Variants in CCDC122 observed in about 807,000 individuals in gnomAD.
The protein encoded by CCDC122 is coiled-coil domain containing 122.
CCDC122 carries 38 observed loss-of-function variants against 37.0 expected under a neutral mutation model. The ratio of observed to expected loss-of-function variants is 1.03; its 90% CI spans 0.79 to 1.35. The LOEUF (loss-of-function observed/expected upper bound fraction) is 1.35. Among genes scored for constraint, CCDC122 ranks in the 40% most tolerant of loss-of-function variants. CCDC122 has a pLI of 0.00. For missense variants in CCDC122, 305 were observed against 310.0 expected, an observed-to-expected ratio of 0.98 and a Z score of 0.12; for synonymous variants, 83 against 95.6, an observed-to-expected ratio of 0.87 and a Z score of 0.77.
intron 4 of CCDC122, among the ~76,000 whole-genome samples, chr13:43,862,493 T>C (rs1954138964): frequency 6.6e-6 from 1 of 152,200 alleles, no homozygotes; most frequent in Non-Finnish European, 1.5e-5. Context: ...CATTACCCCA[T>C]TGTATTTCCT....
chr13:43,843,844 TTGTC>T (rs2153870854), intron 6 of CCDC122, among the ~76,000 whole-genome samples: 1 of 151,956 alleles, frequency 6.6e-6, no homozygotes, highest in Admixed American at 6.5e-5. Flanking sequence ...TTCAAGGAAT[TTGTC>T]TGTTTGTCAA....
At chr13:43,843,080 T>A (rs1453960559) in intron 6 of CCDC122, among the ~76,000 whole-genome samples, 1 of 152,106 alleles carries the variant, frequency 6.6e-6, no homozygotes, top group Non-Finnish European at 1.5e-5. Flanking sequence ...ATATCAGACA[T>A]CTCTGCCTTG....
At chr13:43,856,528 G>A (rs9567286) in intron 6 of CCDC122, 3,746 of 158,312 alleles carry the variant, frequency 0.024, 120 homozygotes, top group East Asian at 0.14. Flanking sequence ...TACTCCGGAG[G>A]CTGAGGCAGG....
rs145059395 is a variant in CCDC122 at position 43,871,622 on chromosome 13, C to T, written c.-113-2133G>A. On this transcript the variant is annotated intron_variant, in intron 2 of 6. Transcript: ENST00000444614. ...TCCCCAACCCTTTTCTATCCTTTCACTTTGACTTCTCAAATTCATGGGCCA... is the reference window on the plus strand; with the variant it reads ...TCCCCAACCCTTTTCTATCCTTTCATTTTGACTTCTCAAATTCATGGGCCA... Among the ~76,000 whole-genome samples the T allele has an allele frequency of 2.8e-3, 423 of 152,208 alleles. 2 individuals are homozygous for T. The highest frequency in any genetic ancestry group is 6.8e-3 in the Middle Eastern group (2 of 294).
At chr13:43,876,694 T>C (rs960309658) in intron 1 of CCDC122, among the ~76,000 whole-genome samples, 7 of 152,270 alleles carry the variant, frequency 4.6e-5, no homozygotes, top group Admixed American at 3.9e-4. Flanking sequence ...CAGTTGTGCT[T>C]GATATTGTGC....
At chr13:43,834,822 G>A (rs1594812202), downstream of CCDC122, among the ~76,000 whole-genome samples, 1 of 152,050 alleles carries the variant, frequency 6.6e-6, no homozygotes, top group African/African-American at 2.4e-5. Context: ...AGGTGCTGGA[G>A]AGGATGTGGA....
rs145800675 is a variant in CCDC122, at chr13:43,841,860, G to A, written c.673-4431C>T. On this transcript the variant is annotated intron_variant, in intron 6 of 6. Coordinates refer to ENST00000444614, the MANE Select transcript of CCDC122 (RefSeq NM_144974.5). Reference sequence around the variant, plus strand: ...TGAGTAGCTGGGACCACAGGTGTGCGCCATCACACTGACTAATTTTTTTAT... The same window carrying A: ...TGAGTAGCTGGGACCACAGGTGTGCACCATCACACTGACTAATTTTTTTAT... Among the ~76,000 whole-genome samples the A allele has an allele frequency of 5.6e-3, 854 of 152,126 alleles. 3 individuals are homozygous for A. Among genetic ancestry groups the A allele is most frequent in the Non-Finnish European group, 8.6e-3 (582 of 67,984 alleles).
chr13:43,848,032 C>A (rs909405274), intron 6 of CCDC122, among the ~76,000 whole-genome samples: 2 of 152,142 alleles, frequency 1.3e-5, no homozygotes, highest in Non-Finnish European at 2.9e-5. Context: ...ACCTTGGCCT[C>A]CCAAAGTGCT....
intron 4 of CCDC122, among the ~76,000 whole-genome samples, chr13:43,860,447 A>G (rs1052639650): frequency 2.0e-5 from 3 of 152,210 alleles, no homozygotes; most frequent in Non-Finnish European, 2.9e-5. Flanking sequence ...CAAAAGATCT[A>G]GGTCCAGCAC....
chr13:43,820,036 A>T (rs1036954497), downstream of CCDC122, among the ~76,000 whole-genome samples: 1 of 152,010 alleles, frequency 6.6e-6, no homozygotes, highest in African/African-American at 2.4e-5. Context: ...GTGATTTAGG[A>T]TCTAAAATTT....
chr13:43,868,718 GT>G lies in CCDC122; in HGVS notation c.131del (p.Asn44ThrfsTer8). On this transcript the variant is annotated frameshift_variant, in exon 4 of 7. Transcript: ENST00000444614. LOFTEE classifies it high-confidence loss of function. ...CCTTCAAATTGAACAGAACCTTTTTGTTTTTTTCTATCTCTGATGCTTGTGA... is the reference window on the plus strand; with the variant it reads ...CCTTCAAATTGAACAGAACCTTTTTGTTTTTTCTATCTCTGATGCTTGTGA... ...QQSQASEIEK[N>X]KKVLFNLKNE... The G allele has an allele frequency of 1.3e-6, 2 of 1,552,972 alleles. No individual in the cohort carries two copies. The highest frequency in any genetic ancestry group is 1.9e-5 in the Admixed American group (1 of 52,832).
chr13:43,869,391 A>G lies in CCDC122; in HGVS notation c.-15T>C, dbSNP rs778067049. On this transcript the variant is annotated 5_prime_UTR_variant, in exon 3 of 7. Coordinates refer to ENST00000444614, the MANE Select transcript of CCDC122 (RefSeq NM_144974.5). ...TTGTCTGACATTTTCTGTGTCTGTA[A>G]TCTCTTTTCCCCTTTTTGATTTACC... The G allele has an allele frequency of 1.2e-6, 2 of 1,602,324 alleles. No individual in the cohort carries two copies. Among genetic ancestry groups the G allele is most frequent in the Non-Finnish European group, 1.7e-6 (2 of 1,172,450 alleles).
Position 43,837,090 on chromosome 13 carries a change from A to T in CCDC122, c.*190T>A. ...TCCTATTGTCTGTCTACTGCTATCA[A>T]GTGTAGGGTTAGAAGGCATTTTAAC... On this transcript the variant is annotated 3_prime_UTR_variant, in exon 7 of 7. Coordinates refer to ENST00000444614, the MANE Select transcript of CCDC122 (RefSeq NM_144974.5). 1.8e-6 allele frequency: 1 copy of T among 564,798 alleles called. No individual in the cohort carries two copies. 35.0% of individuals were successfully genotyped at this position (564,798 alleles called of 1,614,324 possible). A position where few individuals can be genotyped will look rare whatever the true frequency, so the allele number is the denominator to read the frequency against.
chr13:43,869,009 A>T (rs1161088623), intron 3 of CCDC122, among the ~76,000 whole-genome samples: 1 of 152,026 alleles, frequency 6.6e-6, no homozygotes, highest in African/African-American at 2.4e-5. Flanking sequence ...TGCCTACTGC[A>T]ATGTCATACC....
chr13:43,856,020 T>C (rs1248337732), intron 6 of CCDC122: 1 of 152,172 alleles, frequency 6.6e-6, no homozygotes, highest in Non-Finnish European at 1.5e-5. Flanking sequence ...TGAAATACTA[T>C]GCAGCCATAA....
chr13:43,850,291 A>T (rs900096471), intron 6 of CCDC122, among the ~76,000 whole-genome samples: 3 of 152,216 alleles, frequency 2.0e-5, no homozygotes, highest in Non-Finnish European at 4.4e-5. Context: ...ATGGCTCATA[A>T]CACCAAAAAA....
chr13:43,849,865 C>G (rs1001978861), intron 6 of CCDC122, among the ~76,000 whole-genome samples: 3 of 152,166 alleles, frequency 2.0e-5, no homozygotes, highest in Admixed American at 6.5e-5. Flanking sequence ...ACTGTGGAGC[C>G]AGGAGTTTTA....
At chr13:43,844,129 T>C (rs1203016196) in intron 6 of CCDC122, among the ~76,000 whole-genome samples, 1 of 152,008 alleles carries the variant, frequency 6.6e-6, no homozygotes, top group African/African-American at 2.4e-5. Context: ...GCTTAGATAG[T>C]TGATTTCAAA....
chr13:43,837,572 A>T (rs528522506), intron 6 of CCDC122, 143 bp from the exon 7 acceptor site: 1 of 691,514 alleles, frequency 1.4e-6, no homozygotes, highest in Admixed American at 3.6e-5. Context: ...AATAAACAGT[A>T]ATTGTAAAAC....
Sources: gnomAD v4.1 joint callset for allele counts (sites outside exome capture counted in the v4.1 genomes callset) on GRCh38, gnomAD v4.1.1 for gene constraint, MANE v1.5 for transcripts, NCBI Gene and HGNC (gene_info 2026-07-23, HGNC 2026-07-21) for gene names.